PRKN: variants seen among roughly 807,000 people sequenced by gnomAD.
The protein encoded by PRKN is parkin RBR E3 ubiquitin protein ligase.
A neutral mutation model predicts 59.5 loss-of-function variants in PRKN; 56 were observed. The ratio of observed to expected loss-of-function variants is 0.94; its 90% CI spans 0.76 to 1.18. The LOEUF is 1.18. PRKN is among the 50% of genes most tolerant of loss of function. The pLI is 0.00. For synonymous variants in PRKN, 250 were observed against 222.1 expected (o/e 1.13, Z -1.12); for missense variants, 657 against 596.4 (o/e 1.10, Z -1.06).
At chr6:161,705,384 A>T (rs934830672) in intron 7 of PRKN, among the ~76,000 whole-genome samples, 4 of 152,214 alleles carry the variant, frequency 2.6e-5, no homozygotes, top group Non-Finnish European at 5.9e-5. Flanking sequence ...CAATTTATTG[A>T]ATACTGTACA....
chr6:162,235,984 A>AGAAAGAAAAGAAAGAAAGAAAGAAG (rs1491095242), intron 3 of PRKN, among the ~76,000 whole-genome samples: 5 of 108,040 alleles, frequency 4.6e-5, no homozygotes, highest in African/African-American at 2.1e-4. Context: ...AAAGAAAGAA[A>AGAAAGAAAAGAAAGAAAGAAAGAAG]GAAAGAAAGA....
At chr6:162,423,206 A>C (rs1789069113) in intron 2 of PRKN, among the ~76,000 whole-genome samples, 1 of 152,140 alleles carries the variant, frequency 6.6e-6, no homozygotes, top group Admixed American at 6.5e-5. Context: ...TCAACTAAGC[A>C]CTTACAGATG....
chr6:161,632,184 TTTC>T (rs1450139668), intron 7 of PRKN, among the ~76,000 whole-genome samples: 1 of 152,110 alleles, frequency 6.6e-6, no homozygotes, highest in Non-Finnish European at 1.5e-5. Context: ...TTTTTCAAAT[TTTC>T]TTTTTAGTTT....
rs1374089159 is a variant in PRKN at position 161,529,129 on chromosome 6, T to C, written c.1083+19725A>G. Among the ~76,000 whole-genome samples, 1 of 152,110 alleles carries C rather than the reference T, an allele frequency of 6.6e-6. No individual in the cohort carries two copies. The highest frequency in any genetic ancestry group is 1.5e-5 in the Non-Finnish European group (1 of 68,020). ...CCACAACCACAGACTCTACGCTGCG[T>C]TCCTCTCCCTAGTCACCGCATGCCT... On this transcript the variant is annotated intron_variant, in intron 9 of 11. Transcript: ENST00000366898. The surrounding 1 kb of genome is among the most constrained non-coding windows in gnomAD (Gnocchi z 4.4).
chr6:162,223,183 T>C lies in PRKN; in HGVS notation c.413-21931A>G, dbSNP rs563347639. Reference sequence around the variant, plus strand: ...TTCATACATGTCCCTACAAAGGACATGAACTCATCATTTTTTATGGCTGCA... The same window carrying C: ...TTCATACATGTCCCTACAAAGGACACGAACTCATCATTTTTTATGGCTGCA... On this transcript the variant is annotated intron_variant, in intron 3 of 11. Coordinates refer to ENST00000366898, the MANE Select transcript of PRKN (RefSeq NM_004562.3). Among the ~76,000 whole-genome samples, 3 of 152,192 alleles carry C rather than the reference T, an allele frequency of 2.0e-5. No individual in the cohort carries two copies. The South Asian group carries it at 6.2e-4, about 32-fold the overall frequency.
chr6:161,795,456 A>T (rs1790808235), intron 6 of PRKN, among the ~76,000 whole-genome samples: 1 of 147,706 alleles, frequency 6.8e-6, no homozygotes, highest in Admixed American at 6.7e-5. Context: ...CTGGTCTTGA[A>T]CTCCTGACCT....
chr6:161,632,563 T>A (rs1783356078), intron 7 of PRKN, among the ~76,000 whole-genome samples: 1 of 152,230 alleles, frequency 6.6e-6, no homozygotes, highest in South Asian at 2.1e-4. Flanking sequence ...AATCCAGTTG[T>A]CTGAAAAATG....
intron 1 of PRKN, among the ~76,000 whole-genome samples, chr6:162,580,924 T>C (rs771903996): frequency 1.3e-5 from 2 of 152,160 alleles, no homozygotes; most frequent in Non-Finnish European, 2.9e-5. Context: ...CATCATTCAG[T>C]GGCATGTACT....
chr6:162,681,665 T>A (rs1343822927), intron 1 of PRKN, among the ~76,000 whole-genome samples: 1 of 152,076 alleles, frequency 6.6e-6, no homozygotes, highest in Non-Finnish European at 1.5e-5. Context: ...AGCCTCTGAT[T>A]GATTGCATAA....
chr6:162,362,966 A>C (rs1785224636), intron 2 of PRKN, among the ~76,000 whole-genome samples: 1 of 151,562 alleles, frequency 6.6e-6, no homozygotes, highest in South Asian at 2.1e-4. Flanking sequence ...GTCTCTAATA[A>C]AAATACAAAA....
chr6:161,767,483 C>T (rs1264470716), intron 7 of PRKN, among the ~76,000 whole-genome samples: 1 of 150,740 alleles, frequency 6.6e-6, no homozygotes, highest in Non-Finnish European at 1.5e-5. Flanking sequence ...GGCCACTGCA[C>T]TCCCGCCTGG....
chr6:162,402,952 A>G (rs1045694575), intron 2 of PRKN, among the ~76,000 whole-genome samples: 1 of 152,014 alleles, frequency 6.6e-6, no homozygotes, highest in Non-Finnish European at 1.5e-5. Context: ...CCTGTCATGC[A>G]TATATTTCTG....
rs1004819642 is a variant in PRKN, at chr6:161,388,503, A to G, written c.1084-1626T>C. ...GCATTTCAGCAGAGGAGAGAGTGCC[A>G]TCCACAAGTATGGTGTGTGGATGAT... On this transcript the variant is annotated intron_variant, in intron 9 of 11. Transcript: ENST00000366898. The surrounding 1 kb of genome is among the most constrained non-coding windows in gnomAD (Gnocchi z 4.3). Among the ~76,000 whole-genome samples, 1 of 152,246 alleles carries G rather than the reference A, an allele frequency of 6.6e-6. No homozygotes were observed. Among genetic ancestry groups the G allele is most frequent in the Non-Finnish European group, 1.5e-5 (1 of 68,042 alleles).
intron 9 of PRKN, among the ~76,000 whole-genome samples, chr6:161,481,855 T>C (rs898212170): frequency 1.3e-5 from 2 of 151,718 alleles, no homozygotes; most frequent in African/African-American, 4.8e-5. Context: ...CATATAAACT[T>C]AGTTTGGGCA....
chr6:162,225,554 T>C (rs1475724906), intron 3 of PRKN, among the ~76,000 whole-genome samples: 1 of 152,156 alleles, frequency 6.6e-6, no homozygotes. Flanking sequence ...CTGACACTGA[T>C]GTGGCCAAAG....
chr6:161,450,806 T>TC (rs1562458118), intron 9 of PRKN, among the ~76,000 whole-genome samples: 1 of 152,142 alleles, frequency 6.6e-6, no homozygotes, highest in East Asian at 1.9e-4. Flanking sequence ...CTGCCCACCC[T>TC]GGCCTCCCAA....
At chr6:161,392,013 C>A (rs1437251113) in intron 9 of PRKN, among the ~76,000 whole-genome samples, 9 of 151,884 alleles carry the variant, frequency 5.9e-5, no homozygotes. Flanking sequence ...CATATATATG[C>A]ATATATGTGT....
intron 7 of PRKN, among the ~76,000 whole-genome samples, chr6:161,656,498 T>C (rs965328998): frequency 6.6e-6 from 1 of 152,200 alleles, no homozygotes; most frequent in African/African-American, 2.4e-5. Context: ...TGCTCTGAGC[T>C]GTTGGAGTTG....
chr6:161,712,812 C>T (rs1019391271), intron 7 of PRKN, among the ~76,000 whole-genome samples: 1 of 147,186 alleles, frequency 6.8e-6, no homozygotes, highest in Non-Finnish European at 1.5e-5. Flanking sequence ...CAAAAACAAA[C>T]TGTTTTTGTC....
Sources: allele counts gnomAD v4.1 joint callset (sites outside exome capture counted in the v4.1 genomes callset), GRCh38; gene constraint gnomAD v4.1.1; non-coding constraint Gnocchi (gnomAD v3.1); transcripts MANE v1.5; gene names NCBI Gene and HGNC (gene_info 2026-07-23, HGNC 2026-07-21).